The following RIPOR2 variants were observed in gnomAD, a reference collection of about 807,000 sequenced individuals.
The protein encoded by RIPOR2 is RHO family interacting cell polarization regulator 2, also known as rho family-interacting cell polarization regulator 2.
Under a neutral mutation model 114.5 loss-of-function variants are expected in RIPOR2, and 39 were observed. The ratio of observed to expected loss-of-function variants is 0.34; its 90% confidence interval spans 0.26 to 0.44. The LOEUF is 0.44. Ranked by LOEUF, RIPOR2 falls within the 20% of genes least tolerant of loss-of-function variation. The pLI, the probability that RIPOR2 is intolerant of heterozygous loss-of-function variation, is 1.00. For synonymous variants in RIPOR2, 445 were observed against 484.4 expected (o/e 0.92, Z 1.07); for missense variants, 1,007 against 1,255.1 (o/e 0.80, Z 2.99).
chr6:24,910,887 C>G, intron 1 of RIPOR2: 5 of 985,434 alleles, frequency 5.1e-6, no homozygotes, highest in Non-Finnish European at 6.0e-6. Flanking sequence ...AGCCTCCGCA[C>G]CAATGCAATG....
intron 1 of RIPOR2, among the ~76,000 whole-genome samples, chr6:24,970,425 A>G (rs1194695053): frequency 3.3e-5 from 5 of 152,202 alleles, no homozygotes; most frequent in African/African-American, 1.2e-4. Context: ...GACAGGTTTT[A>G]CAAAGCAAGA....
At chr6:24,951,234 G>A (rs1317554750) in intron 1 of RIPOR2, among the ~76,000 whole-genome samples, 1 of 152,128 alleles carries the variant, frequency 6.6e-6, no homozygotes, top group Non-Finnish European at 1.5e-5. Flanking sequence ...CCCAATATTA[G>A]GCAGAGGAAC....
At chr6:24,971,762 C>G (rs1773798632) in intron 1 of RIPOR2, among the ~76,000 whole-genome samples, 1 of 152,176 alleles carries the variant, frequency 6.6e-6, no homozygotes, top group Non-Finnish European at 1.5e-5. Flanking sequence ...ACTTGTTGAG[C>G]CTTGAGCACT....
intron 13 of RIPOR2, chr6:24,840,171 G>A (rs1761553767): frequency 1.1e-6 from 1 of 917,790 alleles, no homozygotes; most frequent in Non-Finnish European, 1.3e-6. Context: ...TACCGGTCTT[G>A]AACTCTTGGG....
intron 1 of RIPOR2, among the ~76,000 whole-genome samples, chr6:24,886,947 T>C (rs1357710189): frequency 6.6e-6 from 1 of 152,234 alleles, no homozygotes; most frequent in Non-Finnish European, 1.5e-5. Flanking sequence ...TTAAACTCTA[T>C]CATTCCTTCT....
intron 1 of RIPOR2, among the ~76,000 whole-genome samples, chr6:24,973,345 G>A (rs1002799167): frequency 1.3e-5 from 2 of 152,152 alleles, no homozygotes; most frequent in East Asian, 3.8e-4. Context: ...GCTTATGCCT[G>A]TAATCCCAGC....
chr6:24,912,090 A>G (rs1769664500), intron 1 of RIPOR2, among the ~76,000 whole-genome samples: 1 of 152,208 alleles, frequency 6.6e-6, no homozygotes, highest in African/African-American at 2.4e-5. Context: ...ATCGCCTGAT[A>G]AACTGTGTCA....
intron 1 of RIPOR2, among the ~76,000 whole-genome samples, chr6:25,003,503 A>T (rs1016329719): frequency 6.6e-6 from 1 of 151,702 alleles, no homozygotes; most frequent in African/African-American, 2.4e-5. Flanking sequence ...GTCATGGCTC[A>T]GTGTAGCCTC....
intron 8 of RIPOR2, among the ~76,000 whole-genome samples, chr6:24,853,228 C>A (rs1763134693): frequency 6.6e-6 from 1 of 152,192 alleles, no homozygotes; most frequent in Admixed American, 6.5e-5. Context: ...CCAAATGATA[C>A]ACCCCCAAAA....
chr6:24,983,838 T>A (rs1299464893), intron 1 of RIPOR2, among the ~76,000 whole-genome samples: 1 of 149,630 alleles, frequency 6.7e-6, no homozygotes, highest in African/African-American at 2.5e-5. Flanking sequence ...GAGACCAGCC[T>A]TTTCTGAGCC....
At chr6:24,924,785 A>G (rs964064074) in intron 1 of RIPOR2, among the ~76,000 whole-genome samples, 2 of 152,208 alleles carry the variant, frequency 1.3e-5, no homozygotes, top group African/African-American at 4.8e-5. Flanking sequence ...AAAACTCTCA[A>G]TGACCTTAAG....
chr6:24,898,176 A>T (rs1157941374), intron 1 of RIPOR2, among the ~76,000 whole-genome samples: 2 of 152,102 alleles, frequency 1.3e-5, no homozygotes, highest in Non-Finnish European at 2.9e-5. Flanking sequence ...CATCATCATC[A>T]CTAAGGTCAA....
chr6:24,969,078 G>C (rs543893537), intron 1 of RIPOR2, among the ~76,000 whole-genome samples: 1 of 152,152 alleles, frequency 6.6e-6, no homozygotes, highest in African/African-American at 2.4e-5. Flanking sequence ...GGTATTCTAG[G>C]GCAGTGGTTC....
intron 1 of RIPOR2, among the ~76,000 whole-genome samples, chr6:24,894,827 C>T (rs1481592012): frequency 6.6e-6 from 1 of 152,168 alleles, no homozygotes; most frequent in Non-Finnish European, 1.5e-5. Context: ...TAACATCCCA[C>T]ACCTATACTC....
chr6:24,882,071 T>A (rs116397048), intron 1 of RIPOR2, among the ~76,000 whole-genome samples: 13 of 152,228 alleles, frequency 8.5e-5, no homozygotes, highest in African/African-American at 2.9e-4. Flanking sequence ...ACATCTGTCA[T>A]GTGGCAGGCC....
chr6:25,026,539 C>G (rs556652800), intron 1 of RIPOR2, among the ~76,000 whole-genome samples: 1 of 152,242 alleles, frequency 6.6e-6, no homozygotes, highest in East Asian at 1.9e-4. Context: ...AGACAAGAAG[C>G]CTGAGAATTT....
rs969876316 is a variant in RIPOR2, at chr6:24,968,150, C to T, written c.76+73701G>A. On this transcript the variant is annotated intron_variant, in intron 1 of 13. Transcript: ENST00000510784. ...CAAACTCCTGACCTCAGATGATCTG[C>T]CCGCCTCAGCCTCCGAAAGTGCTGA... is the stretch of plus-strand genomic sequence containing the variant. Among the ~76,000 whole-genome samples the T allele has an allele frequency of 3.9e-5, 6 of 152,216 alleles. No individual in the cohort carries two copies. In the South Asian group the frequency reaches 1.0e-3, roughly 26 times the overall value.
At chr6:24,836,825 C>A (rs1247028425) in intron 14 of RIPOR2, among the ~76,000 whole-genome samples, 1 of 140,306 alleles carries the variant, frequency 7.1e-6, no homozygotes, top group Admixed American at 7.0e-5. Flanking sequence ...CACACACACA[C>A]ACACACTCTC....
intron 1 of RIPOR2, among the ~76,000 whole-genome samples, chr6:25,025,074 G>A (rs912643287): frequency 6.6e-6 from 1 of 152,196 alleles, no homozygotes; most frequent in Admixed American, 6.5e-5. Flanking sequence ...ACACTAAATG[G>A]AGGGAAGAAG....
Sources: allele counts gnomAD v4.1 joint callset (sites outside exome capture counted in the v4.1 genomes callset), GRCh38; gene constraint gnomAD v4.1.1; transcripts MANE v1.5; gene names NCBI Gene and HGNC (gene_info 2026-07-23, HGNC 2026-07-21).